CNTNAP2: variants seen among roughly 807,000 people sequenced by gnomAD.
The protein encoded by CNTNAP2 is contactin associated protein 2.
A neutral mutation model predicts 155.2 loss-of-function variants in CNTNAP2; 98 were observed. The observed-to-expected ratio is 0.63, with a 90% confidence interval of 0.54 to 0.75. CNTNAP2 has a LOEUF of 0.75. Ranked by LOEUF, CNTNAP2 falls within the 30% of genes least tolerant of loss-of-function variation. CNTNAP2 has a pLI of 0.00. For missense variants in CNTNAP2, 1,727 were observed against 1,688.1 expected (o/e 1.02, Z -0.40); for synonymous variants, 651 against 631.2 (o/e 1.03, Z -0.47).
At chr7:147,722,739 C>T (rs145492889) in intron 13 of CNTNAP2, among the ~76,000 whole-genome samples, 113 of 152,156 alleles carry the variant, frequency 7.4e-4, no homozygotes, top group Admixed American at 5.3e-3. Context: ...TCCCAAAGCT[C>T]GGAGCACTAT....
intron 1 of CNTNAP2, among the ~76,000 whole-genome samples, chr7:146,154,294 T>C (rs1489545596): frequency 6.6e-6 from 1 of 152,286 alleles, no homozygotes; most frequent in African/African-American, 2.4e-5. Context: ...CCAACTCCAA[T>C]TTTATTTTTA....
intron 13 of CNTNAP2, among the ~76,000 whole-genome samples, chr7:147,776,973 A>C (rs1797594131): frequency 6.6e-6 from 1 of 151,998 alleles, no homozygotes; most frequent in Non-Finnish European, 1.5e-5. Flanking sequence ...TACTTGAATA[A>C]AGTACATGTC....
intron 13 of CNTNAP2, among the ~76,000 whole-genome samples, chr7:147,652,086 ATTTCAGAGACTGTATC>A (rs942185382): frequency 6.6e-6 from 1 of 152,218 alleles, no homozygotes; most frequent in African/African-American, 2.4e-5. Context: ...CATAAATTTT[ATTTCAGAGACTGTATC>A]TTTCCCGAGC....
At chr7:146,988,156 G>A (rs1183366767) in intron 3 of CNTNAP2, among the ~76,000 whole-genome samples, 1 of 151,890 alleles carries the variant, frequency 6.6e-6, no homozygotes, top group African/African-American at 2.4e-5. Flanking sequence ...ATGCTGTTAT[G>A]GTCCTATATG....
chr7:147,363,900 T>A (rs1047834563), intron 9 of CNTNAP2, among the ~76,000 whole-genome samples: 8 of 152,188 alleles, frequency 5.3e-5, no homozygotes, highest in Non-Finnish European at 1.2e-4. Flanking sequence ...ATTATATAAA[T>A]CTTTAAATAA....
intron 11 of CNTNAP2, among the ~76,000 whole-genome samples, chr7:147,515,321 CT>C (rs763147267): frequency 7.9e-6 from 1 of 126,168 alleles, no homozygotes; most frequent in African/African-American, 2.8e-5. Context: ...TCATTATATT[CT>C]TTTTTTGTTT....
chr7:148,368,677 G>A (rs540742455), intron 21 of CNTNAP2, among the ~76,000 whole-genome samples: 1 of 152,292 alleles, frequency 6.6e-6, no homozygotes, highest in African/African-American at 2.4e-5. Context: ...CCTGTCTCAA[G>A]AGCCAAGCTA....
chr7:146,278,230 C>T (rs756001570), intron 1 of CNTNAP2, among the ~76,000 whole-genome samples: 4 of 152,078 alleles, frequency 2.6e-5, no homozygotes, highest in Non-Finnish European at 4.4e-5. Flanking sequence ...TCCATTTTGC[C>T]CCTTCTGCAG....
At chr7:147,779,669 T>A (rs900467155) in intron 13 of CNTNAP2, among the ~76,000 whole-genome samples, 1 of 152,196 alleles carries the variant, frequency 6.6e-6, no homozygotes, top group African/African-American at 2.4e-5. Context: ...AAGACCTGTA[T>A]TTAAATTCCT....
intron 13 of CNTNAP2, among the ~76,000 whole-genome samples, chr7:147,788,787 T>A (rs936322652): frequency 6.6e-6 from 1 of 152,044 alleles, no homozygotes; most frequent in Admixed American, 6.6e-5. Flanking sequence ...CGCAGCCAGT[T>A]GCTGATGCAA....
chr7:147,173,799 G>A (rs1482930997), intron 8 of CNTNAP2, among the ~76,000 whole-genome samples: 2 of 152,102 alleles, frequency 1.3e-5, no homozygotes, highest in African/African-American at 2.4e-5. Flanking sequence ...ATTGCATCCC[G>A]GGAAGCAAGG....
chr7:146,452,674 A>G (rs1371297047), intron 1 of CNTNAP2, among the ~76,000 whole-genome samples: 2 of 152,212 alleles, frequency 1.3e-5, no homozygotes, highest in Admixed American at 1.3e-4. Flanking sequence ...AATAAAAGCC[A>G]TGCATGTGGT....
At chr7:146,433,225 C>A (rs1796196181) in intron 1 of CNTNAP2, among the ~76,000 whole-genome samples, 2 of 152,204 alleles carry the variant, frequency 1.3e-5, no homozygotes, top group South Asian at 4.1e-4. Context: ...ATCCCTGGGG[C>A]CTTTGTACAC....
intron 12 of CNTNAP2, among the ~76,000 whole-genome samples, chr7:147,587,389 T>C (rs1182107904): frequency 6.6e-6 from 1 of 152,210 alleles, no homozygotes; most frequent in African/African-American, 2.4e-5. Context: ...GCAAACCTCA[T>C]AAGCCAGACA....
At chr7:147,968,288 T>G (rs904517480) in intron 14 of CNTNAP2, among the ~76,000 whole-genome samples, 1 of 152,208 alleles carries the variant, frequency 6.6e-6, no homozygotes, top group Non-Finnish European at 1.5e-5. Context: ...GTCTCACATT[T>G]TGTAAAAGGC....
At position 146,753,422 on chromosome 7, in the gene CNTNAP2, A is replaced by G. The variant is rs184122090; in HGVS notation, c.98-20849A>G. On this transcript the variant is annotated intron_variant, in intron 1 of 23. Coordinates refer to ENST00000361727, the MANE Select transcript of CNTNAP2 (RefSeq NM_014141.6). ...ATCTGAACTTGCTTCTGTGTTTTCC[A>G]TGATGACCTATTTATGTTGCATTAT... 2.5e-3 allele frequency among the ~76,000 whole-genome samples: 374 copies of G among 152,190 alleles called. 1 individual carries two copies. Among genetic ancestry groups the G allele is most frequent in the Middle Eastern group, 6.8e-3 (2 of 294 alleles).
chr7:147,051,721 G>A (rs1291795985), intron 4 of CNTNAP2, among the ~76,000 whole-genome samples: 3 of 151,800 alleles, frequency 2.0e-5, no homozygotes, highest in African/African-American at 7.3e-5. Context: ...TTGCTTAGAG[G>A]ATCAATATAT....
chr7:146,960,669 A>G (rs1228545917), intron 3 of CNTNAP2, among the ~76,000 whole-genome samples: 1 of 152,268 alleles, frequency 6.6e-6, no homozygotes, highest in African/African-American at 2.4e-5. Flanking sequence ...TGTTCTTTAT[A>G]TCACTGCAAA....
intron 3 of CNTNAP2, among the ~76,000 whole-genome samples, chr7:146,933,376 G>T (rs1371351395): frequency 6.6e-6 from 1 of 151,140 alleles, no homozygotes; most frequent in Admixed American, 6.6e-5. Flanking sequence ...GGGAAAACTG[G>T]CTAGCCATAC....
Sources: gnomAD v4.1 joint callset for allele counts (sites outside exome capture counted in the v4.1 genomes callset) on GRCh38, gnomAD v4.1.1 for gene constraint, MANE v1.5 for transcripts, NCBI Gene and HGNC (gene_info 2026-07-23, HGNC 2026-07-21) for gene names.